Variants in SHISA6 observed in about 807,000 individuals in gnomAD.
SHISA6 encodes the protein shisa family member 6.
In SHISA6, 22 loss-of-function variants were observed where a neutral mutation model predicts 47.9. That is an observed-to-expected ratio of 0.46 (90% CI 0.33 to 0.66). The LOEUF (loss-of-function observed/expected upper bound fraction) is 0.66. SHISA6 is among the 30% of genes least tolerant of loss of function. SHISA6 has a pLI of 0.02. For synonymous variants in SHISA6, 388 were observed against 337.8 expected, an observed-to-expected ratio of 1.15 and a Z score of -1.63; for missense variants, 680 against 764.6, an observed-to-expected ratio of 0.89 and a Z score of 1.30.
chr17:11,405,188 A>G (rs1355892805), intron 3 of SHISA6, among the ~76,000 whole-genome samples: 2 of 152,174 alleles, frequency 1.3e-5, no homozygotes, highest in East Asian at 1.9e-4. Context: ...CTGATACACA[A>G]CTGTGATCAG....
intron 3 of SHISA6, among the ~76,000 whole-genome samples, chr17:11,529,711 T>C (rs1257062264): frequency 6.6e-6 from 1 of 152,134 alleles, no homozygotes; most frequent in Admixed American, 6.5e-5. Context: ...AAGAGATTTG[T>C]GAGTCAAAAA....
intron 3 of SHISA6, among the ~76,000 whole-genome samples, chr17:11,547,488 CT>C (rs2071893096): frequency 6.6e-6 from 1 of 152,154 alleles, no homozygotes. Context: ...AAAACTAAGG[CT>C]GCAATTACAG....
chr17:11,325,918 C>T (rs1910868689), intron 2 of SHISA6, among the ~76,000 whole-genome samples: 1 of 152,184 alleles, frequency 6.6e-6, no homozygotes, highest in African/African-American at 2.4e-5. Context: ...TAATATGCTC[C>T]TCCTTGACCC....
chr17:11,315,100 T>C (rs977671745), intron 2 of SHISA6, among the ~76,000 whole-genome samples: 1 of 152,240 alleles, frequency 6.6e-6, no homozygotes, highest in Non-Finnish European at 1.5e-5. Flanking sequence ...TCCAGAAATA[T>C]GTCTTTTCAG....
intron 3 of SHISA6, among the ~76,000 whole-genome samples, chr17:11,501,523 T>C (rs559184223): frequency 6.6e-6 from 1 of 152,244 alleles, no homozygotes; most frequent in East Asian, 1.9e-4. Context: ...GTTTTTTTAG[T>C]ACTAGAAGAA....
At chr17:11,450,106 C>T (rs575276124) in intron 3 of SHISA6, among the ~76,000 whole-genome samples, 216 of 152,108 alleles carry the variant, frequency 1.4e-3, no homozygotes, top group African/African-American at 4.9e-3. Flanking sequence ...AGGATGGTCT[C>T]GATCTCCTGA....
In SHISA6 at chr17:11,556,089, T is replaced by C. The variant is rs143596012; in HGVS notation, c.1105+197T>C. Among the ~76,000 whole-genome samples, 497 of 152,288 alleles carry C rather than the reference T, an allele frequency of 3.3e-3. 2 individuals are homozygous for C. Among genetic ancestry groups the C allele is most frequent in the African/African-American group, 0.011 (465 of 41,556 alleles). On this transcript the variant is annotated intron_variant, in intron 5 of 5. Transcript: ENST00000441885. ...GGACTGAGCCCATTCTTTCCATACA[T>C]AGAAAGAAGACCATGGAATCCTCAG...
chr17:11,330,330 A>G (rs1233582869), intron 2 of SHISA6, among the ~76,000 whole-genome samples: 2 of 152,154 alleles, frequency 1.3e-5, no homozygotes, highest in East Asian at 1.9e-4. Flanking sequence ...TGATTTACCA[A>G]TGTTAGGGCT....
Position 11,543,921 on chromosome 17 carries a change from AAAAAAC to A in SHISA6, c.896-7969_896-7964del, listed in dbSNP as rs1170888904. ...TGGATATTTATAAGCAAAAAAAAAA[AAAAAAC>A]AAAAAAAAGAACTTCAATGTAAGTC... On this transcript the variant is annotated intron_variant, in intron 3 of 5. Coordinates refer to ENST00000441885, the MANE Select transcript of SHISA6 (RefSeq NM_207386.4). Among the ~76,000 whole-genome samples the A allele has an allele frequency of 4.7e-4, 70 of 150,370 alleles. No homozygotes were observed. The East Asian group carries it at 0.011, about 23-fold the overall frequency.
At chr17:11,260,338 G>A (rs1908181261) in intron 1 of SHISA6, among the ~76,000 whole-genome samples, 1 of 152,078 alleles carries the variant, frequency 6.6e-6, no homozygotes, top group Non-Finnish European at 1.5e-5. Context: ...TGTGGGTGGG[G>A]GATGGTTGGA....
intron 3 of SHISA6, among the ~76,000 whole-genome samples, chr17:11,497,250 T>C (rs1037854230): frequency 6.6e-6 from 1 of 152,198 alleles, no homozygotes; most frequent in Non-Finnish European, 1.5e-5. Context: ...TGTTCTGAGA[T>C]TGCTTCTAGA....
In SHISA6 at chr17:11,381,453, G is replaced by A. The variant is rs143026770; in HGVS notation, c.895+1944G>A. On this transcript the variant is annotated intron_variant, in intron 3 of 5. Transcript: ENST00000441885. ...AATAAATTATTGACAATAAGTGCAA[G>A]GAGAAAAATTAAAGCAGGCAGCAGG... is the stretch of plus-strand genomic sequence containing the variant. Among the ~76,000 whole-genome samples, 305 of 152,272 alleles carry A rather than the reference G, an allele frequency of 2.0e-3. 8 individuals are homozygous for A. In the East Asian group the frequency reaches 0.022, roughly 11 times the overall value.
chr17:11,496,910 T>C (rs1290284048), intron 3 of SHISA6, among the ~76,000 whole-genome samples: 1 of 152,184 alleles, frequency 6.6e-6, no homozygotes, highest in Non-Finnish European at 1.5e-5. Context: ...TGTGACTACA[T>C]TTTTTCATTT....
intron 2 of SHISA6, among the ~76,000 whole-genome samples, chr17:11,336,814 G>C (rs1291747410): frequency 6.6e-6 from 1 of 151,666 alleles, no homozygotes; most frequent in Non-Finnish European, 1.5e-5. Flanking sequence ...ATACTCTACA[G>C]TGCTCTGTCA....
chr17:11,555,136 G>T (rs541509016), intron 4 of SHISA6, among the ~76,000 whole-genome samples: 2 of 152,240 alleles, frequency 1.3e-5, no homozygotes, highest in Non-Finnish European at 2.9e-5. Context: ...AGGAATTAGA[G>T]TAAGATAAAA....
rs2072035295 is a variant in SHISA6, at chr17:11,560,767, A to G, written c.*2463A>G. The G allele has an allele frequency of 6.6e-6, 1 of 152,130 alleles. No homozygotes were observed. The highest frequency in any genetic ancestry group is 2.1e-4 in the South Asian group (1 of 4,820). The allele number at this position is 152,130 out of a possible 1,614,324, so 9.4% of individuals were successfully genotyped here. On this transcript the variant is annotated 3_prime_UTR_variant, in exon 6 of 6. Coordinates refer to ENST00000441885, the MANE Select transcript of SHISA6 (RefSeq NM_207386.4). ...TCTCTCAGGGGTTGTTGATGAGTTG[A>G]TTCCAAGACATTTCTCATCCCAGCC...
intron 3 of SHISA6, among the ~76,000 whole-genome samples, chr17:11,506,809 T>G (rs969751310): frequency 6.6e-6 from 1 of 152,194 alleles, no homozygotes; most frequent in Non-Finnish European, 1.5e-5. Context: ...CTTCAAGTTT[T>G]ACAAAACAAA....
intron 1 of SHISA6, among the ~76,000 whole-genome samples, chr17:11,261,514 T>G (rs761417889): frequency 8.5e-5 from 13 of 152,252 alleles, no homozygotes; most frequent in Non-Finnish European, 1.2e-4. Flanking sequence ...GTAACCACAG[T>G]TCTGCTTTCT....
At chr17:11,523,883 G>A (rs999457638) in intron 3 of SHISA6, among the ~76,000 whole-genome samples, 28 of 152,190 alleles carry the variant, frequency 1.8e-4, no homozygotes, top group African/African-American at 6.3e-4. Flanking sequence ...GCGCGTGCCT[G>A]TAATCCCAGT....
Sources: allele counts gnomAD v4.1 joint callset (sites outside exome capture counted in the v4.1 genomes callset), GRCh38; gene constraint gnomAD v4.1.1; transcripts MANE v1.5; gene names NCBI Gene and HGNC (gene_info 2026-07-23, HGNC 2026-07-21).